Variants in SLC45A2 observed in about 807,000 individuals in gnomAD.
SLC45A2 encodes the protein solute carrier family 45 member 2.
SLC45A2 carries 36 observed loss-of-function variants against 45.5 expected under a neutral mutation model. The ratio of observed to expected loss-of-function variants is 0.79; its 90% CI spans 0.61 to 1.04. The LOEUF (loss-of-function observed/expected upper bound fraction) is 1.04, where lower values mean the gene tolerates loss of function less well. Ranked by LOEUF, SLC45A2 falls within the 50% of genes least tolerant of loss-of-function variation. The pLI, the probability that SLC45A2 is intolerant of heterozygous loss-of-function variation, is 0.00. For synonymous variants in SLC45A2, 306 were observed against 269.3 expected (o/e 1.14, Z -1.33); for missense variants, 719 against 671.0 (o/e 1.07, Z -0.79).
chr5:33,984,571 T>C lies in SLC45A2; in HGVS notation c.13A>G (p.Ser5Gly), dbSNP rs891258556. Residue 5 changes from serine to glycine, a missense_variant, in exon 1 of 7, where the codon AGT becomes GGT. Transcript: ENST00000296589. MGSN[S>G]GQAGRHIYKS... Reference sequence around the variant, plus strand: ...TAGATGTGGCGGCCAGCCTGCCCACTGTTGCTACCCATGGCCACTGGGAGA... The same window carrying C: ...TAGATGTGGCGGCCAGCCTGCCCACCGTTGCTACCCATGGCCACTGGGAGA... 6.2e-7 allele frequency: 1 copy of C among 1,610,096 alleles called. No individual in the cohort carries two copies.
chr5:33,976,800 G>T (rs145177672), intron 2 of SLC45A2, among the ~76,000 whole-genome samples: 2 of 152,156 alleles, frequency 1.3e-5, no homozygotes, highest in Middle Eastern at 3.2e-3. Context: ...TCTTCATTAT[G>T]CAAAGAAGGA....
intron 6 of SLC45A2, chr5:33,946,842 T>A (rs1246386590): frequency 4.6e-6 from 6 of 1,303,980 alleles, no homozygotes; most frequent in Non-Finnish European, 5.9e-6. Context: ...GGGTCCCCCT[T>A]TTTTTGTCTT....
At chr5:33,951,511 C>G in intron 5 of SLC45A2, 43 bp downstream of exon 5, 4 of 1,613,430 alleles carry the variant, frequency 2.5e-6, no homozygotes, top group Non-Finnish European at 3.4e-6. Flanking sequence ...TGTGCTAGAC[C>G]AGAAACTTTT....
At chr5:33,961,117 A>G (rs1752442061) in intron 3 of SLC45A2, among the ~76,000 whole-genome samples, 1 of 152,230 alleles carries the variant, frequency 6.6e-6, no homozygotes, top group Admixed American at 6.5e-5. Flanking sequence ...AATGAATAAA[A>G]GAATGCACAA....
chr5:33,944,735 C>G lies in SLC45A2; in HGVS notation c.1506G>C (p.Gly502=). The stretch of plus-strand genomic sequence containing the variant: ...CTGTGATCACCACGACGACAACGGT[C>G]CCGGCTGTGTTGACCAGAAAGCCCA... The part of the protein sequence containing the change: ...GGLGFLVNTA[G]TVVVVVITAS... Residue 502 remains glycine, a synonymous_variant, in exon 7 of 7, where the codon GGG becomes GGC. Coordinates refer to ENST00000296589, the MANE Select transcript of SLC45A2 (RefSeq NM_016180.5). 3 of 1,614,260 alleles carry G rather than the reference C, an allele frequency of 1.9e-6. No individual in the cohort carries two copies. The highest frequency in any genetic ancestry group is 2.5e-6 in the Non-Finnish European group (3 of 1,180,052).
chr5:33,947,215 T>G lies in SLC45A2; in HGVS notation c.1316A>C (p.Tyr439Ser), dbSNP rs766000356. ...AGTAATGAGGTTAAAGGGCACAGTG[T>G]ACAGGGTGCTGGACATTACACCAAA... ...SLFGVMSSTL[Y>S]TVPFNLITEY... The change falls in exon 6 of 7, where the codon TAC becomes TCC. Residue 439 changes from tyrosine to serine, a missense_variant. By Grantham distance (144) the Tyr-to-Ser change is moderately radical. Coordinates refer to ENST00000296589, the MANE Select transcript of SLC45A2 (RefSeq NM_016180.5). 2 of 1,614,218 alleles carry G rather than the reference T, an allele frequency of 1.2e-6. No homozygotes were observed. Among genetic ancestry groups the G allele is most frequent in the Middle Eastern group, 1.6e-4 (1 of 6,062 alleles).
At chr5:33,983,469 G>C (rs930413824) in intron 1 of SLC45A2, among the ~76,000 whole-genome samples, 2 of 152,096 alleles carry the variant, frequency 1.3e-5, no homozygotes, top group African/African-American at 4.8e-5. Flanking sequence ...TCCTACATTT[G>C]TACATTTACG....
intron 2 of SLC45A2, among the ~76,000 whole-genome samples, chr5:33,970,408 T>C (rs1752744695): frequency 6.6e-6 from 1 of 152,262 alleles, no homozygotes. Context: ...GTAATGCTTA[T>C]TGTTTGGCCT....
intron 2 of SLC45A2, among the ~76,000 whole-genome samples, chr5:33,977,309 A>C (rs1752957748): frequency 1.3e-5 from 2 of 152,214 alleles, no homozygotes; most frequent in Admixed American, 6.5e-5. Context: ...CAAACAGACC[A>C]TAAAGGCCCC....
chr5:33,956,020 T>C (rs934061196), intron 3 of SLC45A2, among the ~76,000 whole-genome samples: 6 of 87,076 alleles, frequency 6.9e-5, no homozygotes, highest in Non-Finnish European at 2.5e-4. Context: ...CCAGATGGTG[T>C]TAAGGATGAA....
At chr5:33,946,018 C>A in intron 6 of SLC45A2, 1 of 985,388 alleles carries the variant, frequency 1.0e-6, no homozygotes, top group Non-Finnish European at 1.2e-6. Context: ...TATTATCTCA[C>A]CTAAAAATGA....
At position 33,976,255 on chromosome 5, in the gene SLC45A2, C is replaced by T. The variant is rs141850977; in HGVS notation, c.562+5981G>A. Reference sequence around the variant, plus strand: ...CAACCTGGATTTTTGGGTGGCAGTACCAGTCCCCCAAAAAGATCATTAAAG... The same window carrying T: ...CAACCTGGATTTTTGGGTGGCAGTATCAGTCCCCCAAAAAGATCATTAAAG... On this transcript the variant is annotated intron_variant, in intron 2 of 6. Transcript: ENST00000296589. Among the ~76,000 whole-genome samples the T allele has an allele frequency of 3.0e-3, 455 of 152,230 alleles. 1 individual carries two copies. The highest frequency in any genetic ancestry group is 6.8e-3 in the Middle Eastern group (2 of 294).
At chr5:33,955,492 T>C (rs78553066) in intron 3 of SLC45A2, among the ~76,000 whole-genome samples, 8,835 of 152,262 alleles carry the variant, frequency 0.058, 596 homozygotes, top group East Asian at 0.27. Context: ...CATTAGAACA[T>C]TAATACAGAG....
chr5:33,949,213 A>T (rs190331271), intron 5 of SLC45A2, among the ~76,000 whole-genome samples: 1 of 152,306 alleles, frequency 6.6e-6, no homozygotes, highest in African/African-American at 2.4e-5. Context: ...GCCAACCTCC[A>T]TGTGGATAGA....
At position 33,955,953 on chromosome 5, in the gene SLC45A2, G is replaced by A. The variant is rs542810698; in HGVS notation, c.889-1449C>T. Among the ~76,000 whole-genome samples, 7 of 152,162 alleles carry A rather than the reference G, an allele frequency of 4.6e-5. 1 individual carries two copies. Among genetic ancestry groups the A allele is most frequent in the African/African-American group, 1.7e-4 (7 of 41,528 alleles). ...ACTGATTTTTTTTTAACTTTATGAAGACAATGTCCCAAAGAAATCAGCAGT... is the reference window on the plus strand; with the variant it reads ...ACTGATTTTTTTTTAACTTTATGAAAACAATGTCCCAAAGAAATCAGCAGT... On this transcript the variant is annotated intron_variant, in intron 3 of 6. Transcript: ENST00000296589.
At chr5:33,977,536 T>G (rs1752964652) in intron 2 of SLC45A2, among the ~76,000 whole-genome samples, 2 of 152,094 alleles carry the variant, frequency 1.3e-5, no homozygotes, top group African/African-American at 4.8e-5. Context: ...AGAAAATGAG[T>G]GAGCATTTCC....
At chr5:33,967,354 C>T (rs151011129) in intron 2 of SLC45A2, among the ~76,000 whole-genome samples, 13 of 152,288 alleles carry the variant, frequency 8.5e-5, no homozygotes, top group Middle Eastern at 3.4e-3. Flanking sequence ...TCCTCTAGAG[C>T]AGCCTTCTTA....
chr5:33,957,555 CT>C (rs1266604868), intron 3 of SLC45A2, among the ~76,000 whole-genome samples: 1 of 152,116 alleles, frequency 6.6e-6, no homozygotes, highest in African/African-American at 2.4e-5. Context: ...AGGAAAATAA[CT>C]GTTTTTCTGC....
Position 33,944,886 on chromosome 5 carries a change from A to C in SLC45A2, c.1369-14T>G, listed in dbSNP as rs1438573280. ...GGCCTGCTGCCTCTGCAAAGGAAGC[A>C]CAGAACCACCATTTGACCTACAAGG... On this transcript the variant is annotated splice_polypyrimidine_tract_variant and intron_variant, in intron 6 of 6. Coordinates refer to ENST00000296589, the MANE Select transcript of SLC45A2 (RefSeq NM_016180.5). 2 of 1,604,390 alleles carry C rather than the reference A, an allele frequency of 1.2e-6. No homozygotes were observed. Among genetic ancestry groups the C allele is most frequent in the Non-Finnish European group, 1.7e-6 (2 of 1,175,460 alleles).
Sources: gnomAD v4.1 joint callset for allele counts (sites outside exome capture counted in the v4.1 genomes callset) on GRCh38, gnomAD v4.1.1 for gene constraint, MANE v1.5 for transcripts, NCBI Gene and HGNC (gene_info 2026-07-23, HGNC 2026-07-21) for gene names.